ADAM22: variants seen among roughly 807,000 people sequenced by gnomAD.
The protein encoded by ADAM22 is ADAM metallopeptidase domain 22.
A neutral mutation model predicts 144.6 loss-of-function variants in ADAM22; 65 were observed. The observed-to-expected ratio is 0.45, with a 90% CI of 0.37 to 0.55. The LOEUF (loss-of-function observed/expected upper bound fraction) is 0.55. Among genes scored for constraint, ADAM22 ranks in the 20% least tolerant of loss-of-function variants. The probability of loss-of-function intolerance (pLI) is 0.00; values close to 1 mark genes in which losing one functional copy is unlikely to be tolerated. For missense variants in ADAM22, 974 were observed against 1,184.9 expected, an observed-to-expected ratio of 0.82 and a Z score of 2.61; for synonymous variants, 391 against 412.6, an observed-to-expected ratio of 0.95 and a Z score of 0.63.
At chr7:88,180,646 T>C (rs2129537887) in intron 27 of ADAM22, among the ~76,000 whole-genome samples, 1 of 152,256 alleles carries the variant, frequency 6.6e-6, no homozygotes, top group African/African-American at 2.4e-5. Context: ...AGTGCTATTT[T>C]CTAAAGTTCC....
intron 27 of ADAM22, among the ~76,000 whole-genome samples, chr7:88,180,506 G>A (rs1281771784): frequency 1.3e-5 from 2 of 151,966 alleles, no homozygotes; most frequent in Non-Finnish European, 2.9e-5. Context: ...TATTTTCACT[G>A]ATCAGTAGAA....
chr7:88,088,755 G>T (rs1181206484), intron 4 of ADAM22, among the ~76,000 whole-genome samples: 1 of 152,112 alleles, frequency 6.6e-6, no homozygotes, highest in Admixed American at 6.6e-5. Flanking sequence ...GGTACACAAC[G>T]TGTTAGAGAA....
At chr7:87,948,185 A>G (rs1584504859) in intron 2 of ADAM22, among the ~76,000 whole-genome samples, 1 of 151,606 alleles carries the variant, frequency 6.6e-6, no homozygotes, top group Non-Finnish European at 1.5e-5. Flanking sequence ...CCCCCACTCT[A>G]TTTCTGCCAA....
In ADAM22 at chr7:88,168,039, AAC is replaced by A. The variant is rs1358910168; in HGVS notation, c.2192-96_2192-95del. Reference sequence around the variant, plus strand: ...TGAAAAATACTCATTTTTGAAAACAAACAGTGTTGTTAGTGTGATGATTACAA... The same window carrying A: ...TGAAAAATACTCATTTTTGAAAACAAAGTGTTGTTAGTGTGATGATTACAA... On this transcript the variant is annotated intron_variant, in intron 24 of 31. Coordinates refer to ENST00000413139, the MANE Select transcript of ADAM22 (RefSeq NM_001324418.2). 21 of 923,984 alleles carry A rather than the reference AAC, an allele frequency of 2.3e-5. 1 individual carries two copies. The highest frequency in any genetic ancestry group is 1.9e-4 in the South Asian group (12 of 62,078). The allele number at this position is 923,984 out of a possible 1,614,324, so 57.2% of individuals were successfully genotyped here.
chr7:88,168,825 G>T (rs1035639439), intron 25 of ADAM22, among the ~76,000 whole-genome samples: 2 of 151,960 alleles, frequency 1.3e-5, no homozygotes, highest in Admixed American at 6.6e-5. Flanking sequence ...CAGTCCACAG[G>T]CCTGGGGTTT....
intron 3 of ADAM22, among the ~76,000 whole-genome samples, chr7:88,042,351 T>G (rs1161514770): frequency 6.6e-6 from 1 of 151,998 alleles, no homozygotes; most frequent in Admixed American, 6.5e-5. Flanking sequence ...GAACTTTGGT[T>G]TCATTTTCAA....
intron 2 of ADAM22, among the ~76,000 whole-genome samples, chr7:87,962,867 A>G (rs1340873369): frequency 6.6e-6 from 1 of 152,186 alleles, no homozygotes; most frequent in Admixed American, 6.6e-5. Flanking sequence ...GCCCAGGATC[A>G]TTCAGTTTAG....
chr7:88,103,684 C>G (rs1280571722), intron 4 of ADAM22, among the ~76,000 whole-genome samples: 1 of 152,144 alleles, frequency 6.6e-6, no homozygotes, highest in Non-Finnish European at 1.5e-5. Flanking sequence ...GAGCCCAACT[C>G]TGATAGGAAA....
chr7:88,075,819 T>A, intron 4 of ADAM22, 127 bp downstream of exon 4: 1 of 779,716 alleles, frequency 1.3e-6, no homozygotes, highest in East Asian at 2.8e-5. Context: ...CTTTATAATT[T>A]GAAGTTTTAT....
chr7:87,941,747 G>A (rs771000823), intron 2 of ADAM22, among the ~76,000 whole-genome samples: 8 of 151,840 alleles, frequency 5.3e-5, no homozygotes, highest in East Asian at 1.9e-4. Context: ...TGTATTTTTC[G>A]TATCTTTAAA....
At chr7:88,144,897 A>G (rs1835890373) in intron 15 of ADAM22, among the ~76,000 whole-genome samples, 1 of 152,070 alleles carries the variant, frequency 6.6e-6, no homozygotes, top group South Asian at 2.1e-4. Flanking sequence ...ATATAAATAT[A>G]TAGGTAAACT....
chr7:88,038,304 T>G (rs6964758), intron 3 of ADAM22, among the ~76,000 whole-genome samples: 36,757 of 152,104 alleles, frequency 0.24, 5,562 homozygotes, highest in South Asian at 0.39. Context: ...AGTGTAAATT[T>G]TAGAATGTTT....
chr7:88,082,181 C>G (rs951223046), intron 4 of ADAM22, among the ~76,000 whole-genome samples: 1 of 152,014 alleles, frequency 6.6e-6, no homozygotes, highest in African/African-American at 2.4e-5. Flanking sequence ...GAAATAACGC[C>G]GCATATCTAC....
chr7:88,139,717 C>T (rs1417305157), intron 14 of ADAM22, among the ~76,000 whole-genome samples: 1 of 151,656 alleles, frequency 6.6e-6, no homozygotes, highest in East Asian at 1.9e-4. Flanking sequence ...ATGGATAGTT[C>T]CCAAAGCAGT....
chr7:87,965,143 C>T (rs529823375), intron 2 of ADAM22, among the ~76,000 whole-genome samples: 3 of 152,118 alleles, frequency 2.0e-5, no homozygotes, highest in Non-Finnish European at 2.9e-5. Context: ...TGGTTCTTGT[C>T]GCTAGAATTC....
chr7:88,105,770 C>T (rs1448822292), intron 4 of ADAM22, among the ~76,000 whole-genome samples: 1 of 152,040 alleles, frequency 6.6e-6, no homozygotes, highest in African/African-American at 2.4e-5. Flanking sequence ...GATTGTGGTT[C>T]CTATGTAGAA....
intron 22 of ADAM22, among the ~76,000 whole-genome samples, chr7:88,156,681 T>A (rs550353233): frequency 1.3e-5 from 2 of 152,218 alleles, no homozygotes; most frequent in East Asian, 3.9e-4. Context: ...CTCAGATTAC[T>A]TCCCCAACTC....
chr7:88,039,462 A>AT (rs1379996653), intron 3 of ADAM22, among the ~76,000 whole-genome samples: 4,742 of 75,420 alleles, frequency 0.063, 395 homozygotes, highest in East Asian at 0.27. Context: ...AAAAAAAAAA[A>AT]AAATATATAT....
chr7:87,981,049 T>A (rs560677700), intron 3 of ADAM22, among the ~76,000 whole-genome samples: 1 of 152,308 alleles, frequency 6.6e-6, no homozygotes, highest in South Asian at 2.1e-4. Context: ...TCCAATTTTT[T>A]TTTCTTGTAC....
Sources: allele counts gnomAD v4.1 joint callset (sites outside exome capture counted in the v4.1 genomes callset), GRCh38; gene constraint gnomAD v4.1.1; transcripts MANE v1.5; gene names NCBI Gene and HGNC (gene_info 2026-07-23, HGNC 2026-07-21).